The following SORCS1 variants were observed in gnomAD, a reference collection of about 807,000 sequenced individuals.
SORCS1 encodes the protein VPS10 domain-containing receptor SorCS1.
Under a neutral mutation model 146.1 loss-of-function variants are expected in SORCS1, and 60 were observed. The observed-to-expected ratio is 0.41, with a 90% CI of 0.33 to 0.51. The LOEUF is 0.51. SORCS1 is among the 20% of genes least tolerant of loss of function. SORCS1 has a pLI of 0.21. For synonymous variants in SORCS1, 637 were observed against 584.0 expected, an observed-to-expected ratio of 1.09 and a Z score of -1.31; for missense variants, 1,352 against 1,487.6, an observed-to-expected ratio of 0.91 and a Z score of 1.50.
rs191481558 is a variant in SORCS1, at chr10:106,794,232, A to G, written c.727-17540T>C. Among the ~76,000 whole-genome samples, 380 of 152,260 alleles carry G rather than the reference A, an allele frequency of 2.5e-3. 2 individuals are homozygous for G. Among genetic ancestry groups the G allele is most frequent in the Non-Finnish European group, 4.2e-3 (289 of 68,006 alleles). On this transcript the variant is annotated intron_variant, in intron 3 of 25. Transcript: ENST00000263054. ...AACAACTCTAGAACTGCTATCCCCT[A>G]TAGAGAGGTCATAAGCTTTCCAGGT... is the stretch of plus-strand genomic sequence containing the variant.
chr10:106,615,310 A>C (rs1485343515), intron 21 of SORCS1, among the ~76,000 whole-genome samples: 2 of 152,124 alleles, frequency 1.3e-5, no homozygotes, highest in African/African-American at 4.8e-5. Flanking sequence ...AGAGTAGGAG[A>C]CTGACTTCCC....
At position 106,948,893 on chromosome 10, in the gene SORCS1, G is replaced by A. The variant is rs543973819; in HGVS notation, c.626+7620C>T. On this transcript the variant is annotated intron_variant, in intron 2 of 25. Coordinates refer to ENST00000263054, the MANE Select transcript of SORCS1 (RefSeq NM_052918.5). ...GGAGAATGGCATGAACCTGGGAGGC[G>A]GAGCTTGCAGTAAGCTGAGATCACG... is the stretch of plus-strand genomic sequence containing the variant. Among the ~76,000 whole-genome samples, 27 of 152,130 alleles carry A rather than the reference G, an allele frequency of 1.8e-4. 1 individual carries two copies. The highest frequency in any genetic ancestry group is 1.7e-3 in the Admixed American group (26 of 15,286).
intron 2 of SORCS1, among the ~76,000 whole-genome samples, chr10:106,857,818 G>A (rs1776955168): frequency 6.6e-6 from 1 of 152,160 alleles, no homozygotes; most frequent in Admixed American, 6.5e-5. Flanking sequence ...TCTACCCACT[G>A]TCAAGAAAAT....
chr10:106,699,781 A>AATG (rs1347402112), intron 8 of SORCS1, among the ~76,000 whole-genome samples: 2 of 152,306 alleles, frequency 1.3e-5, no homozygotes, highest in African/African-American at 4.8e-5. Context: ...AAGCTGGAGG[A>AATG]ACAGAGAGAA....
intron 1 of SORCS1, among the ~76,000 whole-genome samples, chr10:106,996,118 T>C (rs1398712823): frequency 6.6e-6 from 1 of 150,834 alleles, no homozygotes; most frequent in Non-Finnish European, 1.5e-5. Context: ...CCTGTAATCC[T>C]AGCTACTGGA....
intron 5 of SORCS1, among the ~76,000 whole-genome samples, chr10:106,744,206 G>A (rs538933898): frequency 2.0e-5 from 3 of 152,230 alleles, no homozygotes; most frequent in South Asian, 2.1e-4. Context: ...CTGGGTTCAC[G>A]CCATTCTCCT....
chr10:107,058,636 A>G (rs1960878792), intron 1 of SORCS1, among the ~76,000 whole-genome samples: 1 of 152,156 alleles, frequency 6.6e-6, no homozygotes, highest in Non-Finnish European at 1.5e-5. Context: ...GTTACTCACC[A>G]CTTTTATGCT....
intron 8 of SORCS1, among the ~76,000 whole-genome samples, chr10:106,705,614 T>G (rs567361358): frequency 2.0e-5 from 3 of 152,320 alleles, no homozygotes; most frequent in East Asian, 3.9e-4. Context: ...TAAACCTGCA[T>G]AGTCCCTTTC....
chr10:106,730,155 T>C lies in SORCS1; in HGVS notation c.960-41A>G, dbSNP rs200682168. On this transcript the variant is annotated intron_variant, in intron 5 of 25. Coordinates refer to ENST00000263054, the MANE Select transcript of SORCS1 (RefSeq NM_052918.5). Reference sequence around the variant, plus strand: ...ACATGAAAAGAAACATCCATATTAATGACTTCACATGTGCCTTAGTGGAAC... The same window carrying C: ...ACATGAAAAGAAACATCCATATTAACGACTTCACATGTGCCTTAGTGGAAC... The C allele has an allele frequency of 2.7e-4, 439 of 1,599,056 alleles. 3 individuals are homozygous for C. In the African/African-American group the frequency reaches 5.2e-3, roughly 19 times the overall value.
chr10:107,164,158 GC>G lies in SORCS1; in HGVS notation c.368del (p.Gly123AlafsTer10). Reference sequence around the variant, plus strand: ...GCACTCCCCGGGGGCTCCGACTCGCGCCCTCTCCCCGTTCTGCCTTCTCCTG... The same window carrying G: ...GCACTCCCCGGGGGCTCCGACTCGCGCCTCTCCCCGTTCTGCCTTCTCCTG... ...ADQEKAERGE[G>X]ASRSPRGVLR... is the part of the protein sequence containing the mutation. On this transcript the variant is annotated frameshift_variant, in exon 1 of 26. Coordinates refer to ENST00000263054, the MANE Select transcript of SORCS1 (RefSeq NM_052918.5). LOFTEE classifies it high-confidence loss of function. This position sits in a 1 kb window ranked among gnomAD's most constrained non-coding sequence, Gnocchi z 6.8. 1 of 1,612,658 alleles carries G rather than the reference GC, an allele frequency of 6.2e-7. No homozygotes were observed. Among genetic ancestry groups the G allele is most frequent in the Non-Finnish European group, 8.5e-7 (1 of 1,179,956 alleles).
intron 2 of SORCS1, among the ~76,000 whole-genome samples, chr10:106,953,447 T>C (rs1038816011): frequency 6.6e-6 from 1 of 152,230 alleles, no homozygotes. Flanking sequence ...TTTTAAATTT[T>C]TTTCCCCCAA....
chr10:107,141,135 C>T (rs779097319), intron 1 of SORCS1, among the ~76,000 whole-genome samples: 1 of 152,158 alleles, frequency 6.6e-6, no homozygotes, highest in African/African-American at 2.4e-5. Context: ...ATGTTAACTA[C>T]ACTCAGTTAC....
At chr10:106,967,722 C>T (rs976700906) in intron 1 of SORCS1, among the ~76,000 whole-genome samples, 6 of 152,118 alleles carry the variant, frequency 3.9e-5, no homozygotes, top group Non-Finnish European at 8.8e-5. Flanking sequence ...TGTTCTCATT[C>T]CCCTCCAGTG....
In SORCS1 at chr10:106,576,673, C is replaced by T. The variant is rs1044594193; in HGVS notation, c.*747G>A. 1.3e-5 allele frequency: 2 copies of T among 152,284 alleles called. No individual in the cohort carries two copies. The highest frequency in any genetic ancestry group is 2.9e-5 in the Non-Finnish European group (2 of 68,170). 9.4% of individuals were successfully genotyped at this position (152,284 alleles called of 1,614,324 possible). ...CAACTCGCATCTTTGTTCCTGTGGCCACAGAGAGTGCAGAAAGCAGCCTTG... is the reference window on the plus strand; with the variant it reads ...CAACTCGCATCTTTGTTCCTGTGGCTACAGAGAGTGCAGAAAGCAGCCTTG... On this transcript the variant is annotated 3_prime_UTR_variant, in exon 26 of 26. Coordinates refer to ENST00000263054, the MANE Select transcript of SORCS1 (RefSeq NM_052918.5).
chr10:107,177,080 T>C, the SORCS1 span, among the ~76,000 whole-genome samples: 3 of 152,172 alleles, frequency 2.0e-5, no homozygotes, highest in Non-Finnish European at 4.4e-5. Context: ...AAATTTATAC[T>C]TTCATTATTG....
At chr10:106,679,389 C>G in intron 11 of SORCS1, 57 bp from the exon 12 acceptor site, 7 of 1,400,318 alleles carry the variant, frequency 5.0e-6, no homozygotes, top group Non-Finnish European at 7.1e-6. Flanking sequence ...CAACAATGGA[C>G]TATATTGGCA....
intron 18 of SORCS1, among the ~76,000 whole-genome samples, chr10:106,649,571 G>T (rs532948130): frequency 6.6e-6 from 1 of 152,262 alleles, no homozygotes; most frequent in East Asian, 1.9e-4. Flanking sequence ...GAATGTAATA[G>T]CTCAGTGATT....
chr10:106,601,127 C>T (rs1453430614), intron 23 of SORCS1, among the ~76,000 whole-genome samples: 1 of 152,188 alleles, frequency 6.6e-6, no homozygotes, highest in Non-Finnish European at 1.5e-5. Flanking sequence ...AAACTGCATT[C>T]TACTGGAAAG....
chr10:107,003,904 G>A (rs1022863133), intron 1 of SORCS1, among the ~76,000 whole-genome samples: 3 of 152,084 alleles, frequency 2.0e-5, no homozygotes, highest in South Asian at 2.1e-4. Flanking sequence ...GGCTGGGTGC[G>A]GTGGCTCATG....
Sources: gnomAD v4.1 joint callset for allele counts (sites outside exome capture counted in the v4.1 genomes callset) on GRCh38, gnomAD v4.1.1 for gene constraint, Gnocchi (gnomAD v3.1) non-coding constraint, MANE v1.5 for transcripts, NCBI Gene and HGNC (gene_info 2026-07-23, HGNC 2026-07-21) for gene names.